PTPRG: variants seen among roughly 807,000 people sequenced by gnomAD.
PTPRG encodes the protein receptor-type tyrosine-protein phosphatase gamma.
A neutral mutation model predicts 165.3 loss-of-function variants in PTPRG; 102 were observed. The ratio of observed to expected loss-of-function variants is 0.62; its 90% CI spans 0.53 to 0.73. The LOEUF (loss-of-function observed/expected upper bound fraction) is 0.73. Ranked by LOEUF, PTPRG falls within the 30% of genes least tolerant of loss-of-function variation. PTPRG has a pLI of 0.00. For synonymous variants in PTPRG, 675 were observed against 669.5 expected (o/e 1.01, Z -0.13); for missense variants, 1,866 against 1,861.4 (o/e 1.00, Z -0.05).
intron 6 of PTPRG, among the ~76,000 whole-genome samples, chr3:62,147,264 C>A (rs1374039488): frequency 6.6e-6 from 1 of 152,148 alleles, no homozygotes; most frequent in African/African-American, 2.4e-5. Flanking sequence ...TCTTGGGGTG[C>A]AGGTCAGTGA....
chr3:62,096,061 G>A (rs1702097463), intron 5 of PTPRG, among the ~76,000 whole-genome samples: 1 of 152,272 alleles, frequency 6.6e-6, no homozygotes, highest in South Asian at 2.1e-4. Context: ...CAGATAAGGA[G>A]CACTACCGAG....
At chr3:62,002,140 G>A (rs144774280) in intron 3 of PTPRG, among the ~76,000 whole-genome samples, 1 of 152,186 alleles carries the variant, frequency 6.6e-6, no homozygotes, top group Non-Finnish European at 1.5e-5. Context: ...ATATGAGAAG[G>A]TTCCTTCACT....
chr3:61,565,373 T>C (rs1312329526), intron 1 of PTPRG, among the ~76,000 whole-genome samples: 1 of 152,182 alleles, frequency 6.6e-6, no homozygotes, highest in Non-Finnish European at 1.5e-5. Context: ...TAGAAACGTT[T>C]ACAAAAATAG....
At chr3:62,112,875 T>C (rs1365900908) in intron 5 of PTPRG, among the ~76,000 whole-genome samples, 2 of 152,232 alleles carry the variant, frequency 1.3e-5, no homozygotes, top group Non-Finnish European at 1.5e-5. Context: ...TGGTGTCAGA[T>C]GTCCATGATT....
intron 6 of PTPRG, among the ~76,000 whole-genome samples, chr3:62,153,280 C>A (rs7633054): frequency 6.6e-6 from 1 of 152,184 alleles, no homozygotes; most frequent in African/African-American, 2.4e-5. Flanking sequence ...TGGGCTTACA[C>A]TGGGCCAGGA....
At chr3:61,791,380 C>T (rs577232266) in intron 2 of PTPRG, among the ~76,000 whole-genome samples, 1 of 152,340 alleles carries the variant, frequency 6.6e-6, no homozygotes, top group Admixed American at 6.5e-5. Flanking sequence ...GTCAAACTTA[C>T]CAAGTGACTT....
chr3:61,597,523 T>G (rs938278224), intron 1 of PTPRG, among the ~76,000 whole-genome samples: 1 of 152,232 alleles, frequency 6.6e-6, no homozygotes, highest in Admixed American at 6.5e-5. Context: ...TAGTTTAGAA[T>G]ACCACCAGCT....
intron 9 of PTPRG, 79 bp downstream of exon 9, chr3:62,191,732 A>G: frequency 2.9e-6 from 4 of 1,379,644 alleles, no homozygotes; most frequent in Non-Finnish European, 4.0e-6. Flanking sequence ...GGCACTGCAC[A>G]GTGTGCCAGC....
intron 26 of PTPRG, among the ~76,000 whole-genome samples, 156 bp from the exon 27 acceptor site, chr3:62,281,407 C>T (rs1702430833): frequency 6.6e-6 from 1 of 151,814 alleles, no homozygotes; most frequent in Non-Finnish European, 1.5e-5. Flanking sequence ...AATAACCATT[C>T]AACTTGGTGT....
intron 1 of PTPRG, among the ~76,000 whole-genome samples, chr3:61,647,906 C>T (rs887477255): frequency 5.3e-5 from 8 of 151,634 alleles, no homozygotes; most frequent in Non-Finnish European, 7.4e-5. Context: ...TGTTCCCTTA[C>T]GAAGTGTCCT....
chr3:61,797,581 A>ACCCCTCCCCCCCCCCCCCCCCCCCCCCC (rs2035088698), intron 2 of PTPRG, among the ~76,000 whole-genome samples: 1 of 127,376 alleles, frequency 7.9e-6, no homozygotes, highest in Non-Finnish European at 1.7e-5. Flanking sequence ...TTATCTCCAC[A>ACCCCTCCCCCCCCCCCCCCCCCCCCCCC]CCCCCCCCCA....
chr3:62,082,917 G>T (rs1427251294), intron 5 of PTPRG, among the ~76,000 whole-genome samples: 2 of 152,186 alleles, frequency 1.3e-5, no homozygotes, highest in African/African-American at 4.8e-5. Flanking sequence ...CTGGAGGAAG[G>T]ATCACCTTTT....
intron 6 of PTPRG, among the ~76,000 whole-genome samples, chr3:62,148,876 G>A (rs1004884121): frequency 2.0e-5 from 3 of 152,146 alleles, no homozygotes; most frequent in Non-Finnish European, 4.4e-5. Flanking sequence ...CCAGAATGAG[G>A]GTGGTAGAAA....
chr3:61,682,622 G>T (rs1192828184), intron 1 of PTPRG, among the ~76,000 whole-genome samples: 1 of 152,150 alleles, frequency 6.6e-6, no homozygotes, highest in African/African-American at 2.4e-5. Context: ...TATCTATCCT[G>T]TTCTTCTTTC....
At chr3:61,956,291 C>CTCTCTG (rs1553696753) in intron 2 of PTPRG, among the ~76,000 whole-genome samples, 1 of 113,280 alleles carries the variant, frequency 8.8e-6, no homozygotes, top group East Asian at 2.2e-4. Flanking sequence ...CTCTCTCTCT[C>CTCTCTG]TCTCACACAC....
intron 2 of PTPRG, among the ~76,000 whole-genome samples, chr3:61,844,279 T>C (rs1388102632): frequency 2.0e-5 from 3 of 152,208 alleles, no homozygotes; most frequent in African/African-American, 7.2e-5. Flanking sequence ...AAAGTCTGTT[T>C]TTATATTTGT....
chr3:61,923,743 C>T (rs1249459040), intron 2 of PTPRG, among the ~76,000 whole-genome samples: 2 of 134,910 alleles, frequency 1.5e-5, no homozygotes, highest in African/African-American at 2.9e-5. Flanking sequence ...GTTGCACAGG[C>T]TGGTCTTGAA....
intron 12 of PTPRG, among the ~76,000 whole-genome samples, chr3:62,208,047 A>T (rs1700272314): frequency 6.6e-6 from 1 of 152,212 alleles, no homozygotes; most frequent in African/African-American, 2.4e-5. Context: ...CTTTTTAAAA[A>T]TGTAGGCCAA....
intron 2 of PTPRG, among the ~76,000 whole-genome samples, chr3:61,882,495 T>C (rs2037913971): frequency 6.6e-6 from 1 of 152,230 alleles, no homozygotes; most frequent in Non-Finnish European, 1.5e-5. Context: ...GTCATAATTC[T>C]ATCTTGGTGG....
Sources: gnomAD v4.1 joint callset for allele counts (sites outside exome capture counted in the v4.1 genomes callset) on GRCh38, gnomAD v4.1.1 for gene constraint, MANE v1.5 for transcripts, NCBI Gene and HGNC (gene_info 2026-07-23, HGNC 2026-07-21) for gene names.